The following ZFAND3 variants were observed in gnomAD, a reference collection of about 807,000 sequenced individuals.
The protein encoded by ZFAND3 is zinc finger AN1-type containing 3.
A neutral mutation model predicts 29.6 loss-of-function variants in ZFAND3; 10 were observed. The ratio of observed to expected loss-of-function variants is 0.34; its 90% CI spans 0.21 to 0.57. ZFAND3 has a LOEUF of 0.57. Ranked by LOEUF, ZFAND3 falls within the 20% of genes least tolerant of loss-of-function variation. The pLI, the probability that ZFAND3 is intolerant of heterozygous loss-of-function variation, is 0.86. For synonymous variants in ZFAND3, 128 were observed against 112.6 expected (o/e 1.14, Z -0.87); for missense variants, 230 against 304.5 (o/e 0.76, Z 1.82).
rs532420390 is a variant in ZFAND3, at chr6:37,919,731, C to T, written c.72-10228C>T. ...CTTCAGAGGCCTTCTTCAATGGCAGCTACTATTTGTAATCACTCTCCAGAA... is the reference window on the plus strand; with the variant it reads ...CTTCAGAGGCCTTCTTCAATGGCAGTTACTATTTGTAATCACTCTCCAGAA... On this transcript the variant is annotated intron_variant, in intron 1 of 5. Coordinates refer to ENST00000287218, the MANE Select transcript of ZFAND3 (RefSeq NM_021943.3). Among the ~76,000 whole-genome samples, 4 of 152,276 alleles carry T rather than the reference C, an allele frequency of 2.6e-5. No homozygotes were observed. The East Asian group carries it at 7.7e-4, about 29-fold the overall frequency.
chr6:38,039,574 A>G lies in ZFAND3; in HGVS notation c.113-22019A>G, dbSNP rs1581861250. On this transcript the variant is annotated intron_variant, in intron 2 of 5. Coordinates refer to ENST00000287218, the MANE Select transcript of ZFAND3 (RefSeq NM_021943.3). ...TAGATGCATATGTGTCAGCATGGAT[A>G]TACATAAAAACGAATTGAGGAAAAG... Among the ~76,000 whole-genome samples the G allele has an allele frequency of 3.3e-5, 5 of 152,238 alleles. 1 individual carries two copies. The South Asian group carries it at 1.0e-3, about 31-fold the overall frequency.
intron 2 of ZFAND3, among the ~76,000 whole-genome samples, chr6:38,058,090 G>A (rs1387825758): frequency 6.6e-6 from 1 of 152,224 alleles, no homozygotes; most frequent in African/African-American, 2.4e-5. Flanking sequence ...GAGCATCAAA[G>A]TAGCATGGCA....
intron 2 of ZFAND3, among the ~76,000 whole-genome samples, chr6:38,030,051 GATAT>G (rs58560520): frequency 3.3e-3 from 311 of 94,348 alleles, no homozygotes; most frequent in Admixed American, 4.8e-3. Flanking sequence ...AGTTCTGCTG[GATAT>G]ATATATATAT....
chr6:37,845,875 A>G (rs958149158), intron 1 of ZFAND3, among the ~76,000 whole-genome samples: 8 of 152,262 alleles, frequency 5.3e-5, no homozygotes, highest in African/African-American at 1.4e-4. Flanking sequence ...TTTACCTTTT[A>G]GAGGTCTAAA....
chr6:37,924,806 C>A (rs1479257648), intron 1 of ZFAND3, among the ~76,000 whole-genome samples: 3 of 151,524 alleles, frequency 2.0e-5, no homozygotes, highest in African/African-American at 7.3e-5. Flanking sequence ...CAGAATGAGA[C>A]CCAGTCTCAA....
intron 2 of ZFAND3, among the ~76,000 whole-genome samples, chr6:37,932,098 G>A (rs1761607588): frequency 6.6e-6 from 1 of 151,988 alleles, no homozygotes; most frequent in African/African-American, 2.4e-5. Flanking sequence ...GCGAAACCCC[G>A]TCTCTACTAA....
chr6:38,087,001 A>G (rs1764770913), intron 4 of ZFAND3, among the ~76,000 whole-genome samples: 1 of 152,178 alleles, frequency 6.6e-6, no homozygotes, highest in East Asian at 1.9e-4. Flanking sequence ...ATGTAGACCA[A>G]TGGAATGGAA....
chr6:38,054,681 A>G (rs904956009), intron 2 of ZFAND3, among the ~76,000 whole-genome samples: 2 of 152,200 alleles, frequency 1.3e-5, no homozygotes, highest in Non-Finnish European at 2.9e-5. Context: ...ACACCTAAGT[A>G]AACTTAGCCA....
intron 2 of ZFAND3, among the ~76,000 whole-genome samples, chr6:38,028,674 T>C (rs1763494457): frequency 6.6e-6 from 1 of 152,338 alleles, no homozygotes; most frequent in African/African-American, 2.4e-5. Context: ...CTTTGCAGTG[T>C]AGCAACAAAA....
intron 4 of ZFAND3, among the ~76,000 whole-genome samples, chr6:38,106,015 C>G (rs1765200160): frequency 1.3e-5 from 2 of 152,170 alleles, no homozygotes; most frequent in African/African-American, 4.8e-5. Flanking sequence ...CAGACAACAG[C>G]TTCATTTCCC....
At chr6:38,124,665 G>A (rs373077429) in intron 5 of ZFAND3, among the ~76,000 whole-genome samples, 4 of 152,122 alleles carry the variant, frequency 2.6e-5, no homozygotes, top group Admixed American at 1.3e-4. Flanking sequence ...GCCCATAAGC[G>A]CCGCGCGCAG....
chr6:37,910,472 CTT>C (rs1468752233), intron 1 of ZFAND3, among the ~76,000 whole-genome samples: 1 of 152,072 alleles, frequency 6.6e-6, no homozygotes, highest in East Asian at 1.9e-4. Context: ...TTAATTAAGA[CTT>C]TTTAAATCTT....
At chr6:37,862,138 AT>A (rs1764503894) in intron 1 of ZFAND3, among the ~76,000 whole-genome samples, 1 of 151,868 alleles carries the variant, frequency 6.6e-6, no homozygotes, top group Admixed American at 6.6e-5. Context: ...TTTTTATTGA[AT>A]TTTTTAATGT....
intron 2 of ZFAND3, among the ~76,000 whole-genome samples, chr6:37,979,162 A>G (rs1195637513): frequency 6.6e-6 from 1 of 152,128 alleles, no homozygotes; most frequent in Non-Finnish European, 1.5e-5. Context: ...AATCTTTTCT[A>G]ATAAAGATTT....
chr6:38,067,421 C>G (rs1237154188), intron 3 of ZFAND3, among the ~76,000 whole-genome samples: 1 of 152,208 alleles, frequency 6.6e-6, no homozygotes, highest in East Asian at 1.9e-4. Context: ...CCCAAGATCA[C>G]AGAGCACTCT....
At chr6:38,039,920 C>CTG (rs934754116) in intron 2 of ZFAND3, among the ~76,000 whole-genome samples, 2 of 152,094 alleles carry the variant, frequency 1.3e-5, no homozygotes, top group African/African-American at 4.8e-5. Context: ...TACATGCTTA[C>CTG]TGTGAAAGAA....
chr6:38,030,100 A>G (rs1315629648), intron 2 of ZFAND3, among the ~76,000 whole-genome samples: 1 of 88,130 alleles, frequency 1.1e-5, no homozygotes. Flanking sequence ...ATATATATAT[A>G]TAGCCTGAGA....
chr6:37,931,853 T>C (rs1394101562), intron 2 of ZFAND3, among the ~76,000 whole-genome samples: 1 of 152,194 alleles, frequency 6.6e-6, no homozygotes, highest in African/African-American at 2.4e-5. Flanking sequence ...TGGGAAAGAA[T>C]TGGGGAAGCT....
intron 1 of ZFAND3, among the ~76,000 whole-genome samples, chr6:37,890,155 C>A (rs1241135794): frequency 6.6e-6 from 1 of 152,224 alleles, no homozygotes; most frequent in Non-Finnish European, 1.5e-5. Flanking sequence ...ACAACACATA[C>A]AAGCATTGCT....
Sources: gnomAD v4.1 joint callset for allele counts (sites outside exome capture counted in the v4.1 genomes callset) on GRCh38, gnomAD v4.1.1 for gene constraint, MANE v1.5 for transcripts, NCBI Gene and HGNC (gene_info 2026-07-23, HGNC 2026-07-21) for gene names.